The following PTPRR variants were observed in gnomAD, a reference collection of about 807,000 sequenced individuals.
The protein encoded by PTPRR is protein tyrosine phosphatase receptor type R, also known as receptor-type tyrosine-protein phosphatase R.
PTPRR carries 38 observed loss-of-function variants against 77.2 expected under a neutral mutation model. That is an observed-to-expected ratio of 0.49 (90% CI 0.38 to 0.65). PTPRR has a LOEUF of 0.65. Ranked by LOEUF, PTPRR falls within the 30% of genes least tolerant of loss-of-function variation. The probability of loss-of-function intolerance (pLI) is 0.00; values close to 1 mark genes in which losing one functional copy is unlikely to be tolerated. For synonymous variants in PTPRR, 299 were observed against 283.1 expected (o/e 1.06, Z -0.57); for missense variants, 744 against 799.2 (o/e 0.93, Z 0.83).
At chr12:70,889,984 T>C (rs1183131607) in intron 2 of PTPRR, among the ~76,000 whole-genome samples, 1 of 152,220 alleles carries the variant, frequency 6.6e-6, no homozygotes, top group Admixed American at 6.5e-5. Flanking sequence ...CAGCAGCCTA[T>C]GCTGAACTGA....
intron 8 of PTPRR, among the ~76,000 whole-genome samples, chr12:70,693,387 C>G (rs748076824): frequency 4.6e-5 from 7 of 152,102 alleles, no homozygotes; most frequent in Non-Finnish European, 1.0e-4. Flanking sequence ...ACCTCAACCT[C>G]CCGGGCTCAA....
intron 6 of PTPRR, among the ~76,000 whole-genome samples, chr12:70,725,056 A>G (rs1178616042): frequency 6.6e-6 from 1 of 152,154 alleles, no homozygotes; most frequent in Non-Finnish European, 1.5e-5. Flanking sequence ...TTCCTGAGAA[A>G]GAAAGGGTGT....
At chr12:70,690,713 G>A (rs868626859) in intron 8 of PTPRR, among the ~76,000 whole-genome samples, 1 of 152,188 alleles carries the variant, frequency 6.6e-6, no homozygotes, top group Non-Finnish European at 1.5e-5. Flanking sequence ...GACAGCACAA[G>A]TATCTGATAT....
chr12:70,767,277 G>A (rs1890849725), intron 2 of PTPRR, among the ~76,000 whole-genome samples: 1 of 151,796 alleles, frequency 6.6e-6, no homozygotes, highest in African/African-American at 2.4e-5. Flanking sequence ...CCCATCTCAT[G>A]TGCAGAGACA....
intron 4 of PTPRR, among the ~76,000 whole-genome samples, chr12:70,756,504 C>A (rs1419264531): frequency 2.0e-5 from 3 of 152,124 alleles, no homozygotes; most frequent in Non-Finnish European, 4.4e-5. Context: ...ATAGGGTTAA[C>A]CCCATGCTTT....
At chr12:70,717,549 A>AT (rs1889078041) in intron 6 of PTPRR, among the ~76,000 whole-genome samples, 2 of 152,208 alleles carry the variant, frequency 1.3e-5, no homozygotes, top group African/African-American at 4.8e-5. Flanking sequence ...CCCCAGTTAG[A>AT]TTTTGAAAAA....
chr12:70,797,336 C>CTG (rs1313030988), intron 2 of PTPRR, among the ~76,000 whole-genome samples: 3 of 152,192 alleles, frequency 2.0e-5, no homozygotes, highest in Non-Finnish European at 2.9e-5. Flanking sequence ...CCATCCCCAA[C>CTG]TGTGTTCTCA....
chr12:70,680,886 G>A (rs1313948090), intron 10 of PTPRR, among the ~76,000 whole-genome samples: 2 of 152,100 alleles, frequency 1.3e-5, no homozygotes, highest in Admixed American at 1.3e-4. Flanking sequence ...TGCAGGGGCT[G>A]GTCCACTGGT....
chr12:70,876,145 T>C (rs1278605743), intron 2 of PTPRR, among the ~76,000 whole-genome samples: 3 of 152,182 alleles, frequency 2.0e-5, no homozygotes, highest in African/African-American at 4.8e-5. Flanking sequence ...CTAAAAAATC[T>C]TTCTTTTGAA....
chr12:70,796,657 A>G (rs1405269200), intron 2 of PTPRR, among the ~76,000 whole-genome samples: 1 of 152,148 alleles, frequency 6.6e-6, no homozygotes, highest in Non-Finnish European at 1.5e-5. Context: ...CATAAAGTAA[A>G]CCATGAAAAG....
chr12:70,896,528 T>C (rs1277859216), intron 1 of PTPRR, among the ~76,000 whole-genome samples: 3 of 151,630 alleles, frequency 2.0e-5, no homozygotes, highest in Non-Finnish European at 4.4e-5. Flanking sequence ...GGTATACTCT[T>C]TGACCATGAA....
At chr12:70,833,473 A>G (rs1384833981) in intron 2 of PTPRR, among the ~76,000 whole-genome samples, 1 of 152,104 alleles carries the variant, frequency 6.6e-6, no homozygotes, top group Non-Finnish European at 1.5e-5. Context: ...CATCAGTGTA[A>G]AGGTGAGCTT....
chr12:70,879,149 G>C (rs1893105611), intron 2 of PTPRR, among the ~76,000 whole-genome samples: 1 of 152,050 alleles, frequency 6.6e-6, no homozygotes, highest in South Asian at 2.1e-4. Context: ...TATACCCAAT[G>C]TAAATGACTA....
chr12:70,898,635 A>G (rs1893477614), intron 1 of PTPRR, among the ~76,000 whole-genome samples: 1 of 150,528 alleles, frequency 6.6e-6, no homozygotes, highest in South Asian at 2.1e-4. Context: ...AAAAAATTAT[A>G]CCATTAAATG....
intron 8 of PTPRR, among the ~76,000 whole-genome samples, chr12:70,696,550 G>A (rs1382651963): frequency 1.3e-5 from 2 of 152,130 alleles, no homozygotes; most frequent in Non-Finnish European, 2.9e-5. Context: ...GTTGGGCACA[G>A]GACTAACAAG....
At chr12:70,662,447 C>T in intron 11 of PTPRR, 48 bp downstream of exon 11, 2 of 1,099,760 alleles carry the variant, frequency 1.8e-6, no homozygotes, top group Non-Finnish European at 1.3e-6. Flanking sequence ...GAAATGTAAT[C>T]CTCTAACATC....
At position 70,805,627 on chromosome 12, in the gene PTPRR, ATAATTT is replaced by A. The variant is rs1891696960; in HGVS notation, c.358-40855_358-40850del. Among the ~76,000 whole-genome samples the A allele has an allele frequency of 2.6e-5, 4 of 152,320 alleles. No homozygotes were observed. In the South Asian group the frequency reaches 8.3e-4, roughly 32 times the overall value. On this transcript the variant is annotated intron_variant, in intron 2 of 13. Coordinates refer to ENST00000283228, the MANE Select transcript of PTPRR (RefSeq NM_002849.4). ...CCTCCTGTTTCGGCTGGGACTTTTT[ATAATTT>A]TGCCAAGTTGCCCTTCAGGGAGGTT...
chr12:70,859,028 T>G (rs1892701732), intron 2 of PTPRR, among the ~76,000 whole-genome samples: 1 of 151,926 alleles, frequency 6.6e-6, no homozygotes, highest in East Asian at 1.9e-4. Context: ...CACCAAAGGC[T>G]TGAGCATTGG....
At chr12:70,665,218 GA>G (rs1024617286) in intron 10 of PTPRR, among the ~76,000 whole-genome samples, 4 of 151,868 alleles carry the variant, frequency 2.6e-5, no homozygotes, top group Non-Finnish European at 5.9e-5. Flanking sequence ...TAATTTGGAA[GA>G]AAAAAATAGG....
Sources: gnomAD v4.1 joint callset for allele counts (sites outside exome capture counted in the v4.1 genomes callset) on GRCh38, gnomAD v4.1.1 for gene constraint, MANE v1.5 for transcripts, NCBI Gene and HGNC (gene_info 2026-07-23, HGNC 2026-07-21) for gene names.